The following AKAP7 variants were observed in gnomAD, a reference collection of about 807,000 sequenced individuals.
AKAP7 encodes the protein A-kinase anchoring protein 7.
In AKAP7, 39 loss-of-function variants were observed where a neutral mutation model predicts 39.5. The observed-to-expected ratio is 0.99, with a 90% CI of 0.76 to 1.29. The LOEUF (loss-of-function observed/expected upper bound fraction) is 1.29. Ranked by LOEUF, AKAP7 falls within the 50% of genes most tolerant of loss-of-function variation. The probability of loss-of-function intolerance (pLI) is 0.00; values close to 1 mark genes in which losing one functional copy is unlikely to be tolerated. For synonymous variants in AKAP7, 140 were observed against 139.1 expected, an observed-to-expected ratio of 1.01 and a Z score of -0.05; for missense variants, 414 against 407.7, an observed-to-expected ratio of 1.02 and a Z score of -0.13.
intron 4 of AKAP7, 72 bp from the exon 5 acceptor site, chr6:131,169,041 C>A: frequency 7.6e-7 from 1 of 1,312,564 alleles, no homozygotes; most frequent in Non-Finnish European, 1.1e-6. Flanking sequence ...AAAACTGGTA[C>A]TTTGTATCTT....
intron 7 of AKAP7, among the ~76,000 whole-genome samples, chr6:131,221,361 A>T (rs72991600): frequency 0.14 from 21,060 of 152,278 alleles, 1,850 homozygotes; most frequent in Middle Eastern, 0.27. Context: ...AGGCTGGTTC[A>T]TGAGGTTTAA....
intron 7 of AKAP7, among the ~76,000 whole-genome samples, chr6:131,228,663 A>G (rs1376338986): frequency 2.0e-5 from 3 of 152,050 alleles, no homozygotes; most frequent in Non-Finnish European, 4.4e-5. Flanking sequence ...TTCTTTTAAA[A>G]TATACTTTAG....
intron 7 of AKAP7, among the ~76,000 whole-genome samples, chr6:131,257,733 C>T (rs1355067637): frequency 2.6e-5 from 4 of 152,090 alleles, no homozygotes; most frequent in Admixed American, 6.6e-5. Context: ...CAGGAAGAGT[C>T]GTTCTGAGAA....
chr6:131,180,593 C>T (rs1310369923), intron 5 of AKAP7, among the ~76,000 whole-genome samples: 1 of 152,148 alleles, frequency 6.6e-6, no homozygotes, highest in East Asian at 1.9e-4. Context: ...CCTTTCCTAT[C>T]CAGAATCTTT....
At chr6:131,150,056 T>TGATCCGCC (rs1801795224) in intron 2 of AKAP7, among the ~76,000 whole-genome samples, 1 of 152,152 alleles carries the variant, frequency 6.6e-6, no homozygotes, top group African/African-American at 2.4e-5. Context: ...TGGGCTCCAG[T>TGATCCGCC]GATCCGCCCA....
At chr6:131,197,233 A>C (rs1020643443) in intron 5 of AKAP7, among the ~76,000 whole-genome samples, 2 of 152,182 alleles carry the variant, frequency 1.3e-5, no homozygotes, top group Admixed American at 1.3e-4. Flanking sequence ...TTATTGATGA[A>C]GGTTGTTTCC....
intron 5 of AKAP7, among the ~76,000 whole-genome samples, chr6:131,177,143 G>A (rs1224003923): frequency 3.3e-5 from 5 of 152,000 alleles, no homozygotes; most frequent in African/African-American, 1.2e-4. Flanking sequence ...CTTTGTACCA[G>A]GCATTATTCT....
At chr6:131,219,289 CAAAAAAA>C (rs755215493) in intron 6 of AKAP7, among the ~76,000 whole-genome samples, 4 of 72,608 alleles carry the variant, frequency 5.5e-5, no homozygotes, top group African/African-American at 2.0e-4. Context: ...CACTCCATTT[CAAAAAAA>C]AAAAAAAAAA....
chr6:131,247,269 G>GTGTGTA (rs1244438178), intron 7 of AKAP7, among the ~76,000 whole-genome samples: 15 of 91,912 alleles, frequency 1.6e-4, no homozygotes, highest in African/African-American at 5.8e-4. Flanking sequence ...CATTTCATAT[G>GTGTGTA]TATATATATA....
chr6:131,256,399 A>G (rs76038534), intron 7 of AKAP7, among the ~76,000 whole-genome samples: 2 of 152,238 alleles, frequency 1.3e-5, no homozygotes, highest in African/African-American at 2.4e-5. Context: ...TCCATCTATT[A>G]ATTCATAGGC....
At chr6:131,156,638 G>A (rs1240427192) in intron 2 of AKAP7, among the ~76,000 whole-genome samples, 3 of 151,778 alleles carry the variant, frequency 2.0e-5, no homozygotes, top group Non-Finnish European at 2.9e-5. Flanking sequence ...AGATCCTATC[G>A]CAAAACAAAA....
At chr6:131,200,652 T>C (rs1215183821) in intron 6 of AKAP7, among the ~76,000 whole-genome samples, 1 of 152,188 alleles carries the variant, frequency 6.6e-6, no homozygotes, top group African/African-American at 2.4e-5. Context: ...AAAGATATCT[T>C]GCATGGTTTT....
chr6:131,231,985 G>A (rs554707460), intron 7 of AKAP7, among the ~76,000 whole-genome samples: 3 of 152,260 alleles, frequency 2.0e-5, no homozygotes, highest in East Asian at 3.9e-4. Flanking sequence ...AAAGTTAGAC[G>A]AAGCTTTGGG....
chr6:131,239,978 G>A (rs1024260953), intron 7 of AKAP7, among the ~76,000 whole-genome samples: 1 of 152,092 alleles, frequency 6.6e-6, no homozygotes. Context: ...AGGAGGAGAG[G>A]CGCTCTGATT....
At chr6:131,217,977 T>G (rs964617222) in intron 6 of AKAP7, among the ~76,000 whole-genome samples, 19 of 152,320 alleles carry the variant, frequency 1.2e-4, no homozygotes, top group African/African-American at 4.6e-4. Context: ...TGAATGTTTT[T>G]ATTCTTGAAA....
intron 3 of AKAP7, among the ~76,000 whole-genome samples, chr6:131,164,776 C>T (rs1370477359): frequency 6.6e-6 from 1 of 152,134 alleles, no homozygotes; most frequent in African/African-American, 2.4e-5. Flanking sequence ...TGAAAAGATG[C>T]AGGGCCATTG....
At chr6:131,271,980 T>A (rs1814324674) in intron 7 of AKAP7, among the ~76,000 whole-genome samples, 1 of 152,212 alleles carries the variant, frequency 6.6e-6, no homozygotes, top group Admixed American at 6.5e-5. Context: ...GGCAGGGATC[T>A]GTGAGAGACT....
At chr6:131,270,690 C>A (rs1814196101) in intron 7 of AKAP7, among the ~76,000 whole-genome samples, 1 of 152,124 alleles carries the variant, frequency 6.6e-6, no homozygotes, top group Non-Finnish European at 1.5e-5. Context: ...GCATTCCCAC[C>A]AGCAATAGGA....
intron 7 of AKAP7, among the ~76,000 whole-genome samples, chr6:131,270,097 G>A (rs986887675): frequency 2.0e-5 from 3 of 152,070 alleles, no homozygotes; most frequent in Non-Finnish European, 2.9e-5. Flanking sequence ...TTTCATTGAG[G>A]TATAATTTAC....
Sources: gnomAD v4.1 joint callset for allele counts (sites outside exome capture counted in the v4.1 genomes callset) on GRCh38, gnomAD v4.1.1 for gene constraint, MANE v1.5 for transcripts, NCBI Gene and HGNC (gene_info 2026-07-23, HGNC 2026-07-21) for gene names.